The following SNX29 variants were observed in gnomAD, a reference collection of about 807,000 sequenced individuals.
SNX29 encodes the protein sorting nexin-29.
In SNX29, 78 loss-of-function variants were observed where a neutral mutation model predicts 102.1. The observed-to-expected ratio is 0.76, with a 90% CI of 0.64 to 0.92. SNX29 has a LOEUF of 0.92. SNX29 is among the 40% of genes least tolerant of loss of function. The probability of loss-of-function intolerance (pLI) is 0.00; values close to 1 mark genes in which losing one functional copy is unlikely to be tolerated. For missense variants in SNX29, 1,280 were observed against 1,061.7 expected (o/e 1.21, Z -2.86); for synonymous variants, 580 against 414.5 (o/e 1.40, Z -4.85).
At chr16:12,552,454 C>T (rs573039327) in intron 20 of SNX29, among the ~76,000 whole-genome samples, 14 of 152,304 alleles carry the variant, frequency 9.2e-5, no homozygotes, top group South Asian at 4.1e-4. Flanking sequence ...TGAAATACCT[C>T]GGGTCCATCT....
chr16:12,265,403 C>T (rs567950799), intron 14 of SNX29, among the ~76,000 whole-genome samples: 35 of 152,114 alleles, frequency 2.3e-4, no homozygotes, highest in African/African-American at 7.5e-4. Context: ...CAGCTGTCCC[C>T]GTGGATGCGT....
chr16:12,523,877 C>A (rs1330780154), intron 19 of SNX29, among the ~76,000 whole-genome samples: 1 of 151,872 alleles, frequency 6.6e-6, no homozygotes, highest in Non-Finnish European at 1.5e-5. Context: ...TGCTACCATG[C>A]ATCCTAGGTT....
At chr16:12,555,732 C>A (rs1182663408) in intron 20 of SNX29, among the ~76,000 whole-genome samples, 2 of 152,050 alleles carry the variant, frequency 1.3e-5, no homozygotes, top group African/African-American at 4.8e-5. Context: ...TTTCACTTTT[C>A]CTTCCACCTC....
chr16:12,371,478 A>T (rs112989450), intron 16 of SNX29, among the ~76,000 whole-genome samples: 4,682 of 152,100 alleles, frequency 0.031, 242 homozygotes, highest in African/African-American at 0.11. Flanking sequence ...TGTTATTTTT[A>T]AAATTTTTTT....
intron 15 of SNX29, among the ~76,000 whole-genome samples, 173 bp from the exon 16 acceptor site, chr16:12,355,990 T>G (rs757551318): frequency 2.6e-5 from 4 of 151,940 alleles, no homozygotes; most frequent in Admixed American, 6.6e-5. Context: ...CAAGACACAT[T>G]GAGCTTATGG....
chr16:12,053,599 A>G (rs1197471466), intron 8 of SNX29, among the ~76,000 whole-genome samples: 1 of 151,854 alleles, frequency 6.6e-6, no homozygotes, highest in Admixed American at 6.6e-5. Context: ...ATCTTATGGT[A>G]TTGTTTAGGC....
At chr16:12,305,854 G>A (rs557159945) in intron 15 of SNX29, among the ~76,000 whole-genome samples, 1 of 152,162 alleles carries the variant, frequency 6.6e-6, no homozygotes, top group Admixed American at 6.5e-5. Flanking sequence ...CATCAGGGTG[G>A]AGTACCGACG....
chr16:12,111,669 TGA>T (rs2053506701), intron 11 of SNX29, among the ~76,000 whole-genome samples: 1 of 152,154 alleles, frequency 6.6e-6, no homozygotes, highest in African/African-American at 2.4e-5. Flanking sequence ...CTTGTTTAGT[TGA>T]GTGTGATGGA....
chr16:12,426,080 T>C (rs1285690052), intron 18 of SNX29, among the ~76,000 whole-genome samples: 2 of 151,680 alleles, frequency 1.3e-5, no homozygotes, highest in African/African-American at 4.9e-5. Flanking sequence ...TTTTTAGTTA[T>C]CTTATTTTTT....
At chr16:12,003,150 GCGGC>G in intron 3 of SNX29, 107 bp downstream of exon 3, 1 of 1,397,822 alleles carries the variant, frequency 7.2e-7, no homozygotes, top group East Asian at 2.3e-5. Context: ...GCGGCAGAAG[GCGGC>G]TGGCTTCTGG....
At chr16:12,016,405 A>G (rs1009238243) in intron 3 of SNX29, among the ~76,000 whole-genome samples, 1 of 152,190 alleles carries the variant, frequency 6.6e-6, no homozygotes, top group Non-Finnish European at 1.5e-5. Context: ...TTCTACCAGT[A>G]GTTCATAAGT....
At chr16:12,155,399 CTCT>C (rs1455506562) in intron 13 of SNX29, among the ~76,000 whole-genome samples, 11 of 152,258 alleles carry the variant, frequency 7.2e-5, no homozygotes, top group East Asian at 3.9e-4. Flanking sequence ...CAGAATGTTT[CTCT>C]TCTTGAGAGC....
rs74008707 is a variant in SNX29 at position 12,184,699 on chromosome 16, A to C, written c.1596-14902A>C. ...CTTGAGTTTTGAACTGGGAGCCTGG[A>C]GGCCAGAGAACAGACACTCCCTAGA... On this transcript the variant is annotated intron_variant, in intron 13 of 20. Transcript: ENST00000566228. 9.2e-5 allele frequency among the ~76,000 whole-genome samples: 14 copies of C among 152,278 alleles called. No individual in the cohort carries two copies. The East Asian group carries it at 2.7e-3, about 29-fold the overall frequency.
chr16:12,546,672 C>G (rs1341317507), intron 20 of SNX29: 2 of 152,120 alleles, frequency 1.3e-5, no homozygotes, highest in Non-Finnish European at 2.9e-5. Context: ...ATAAATCTTC[C>G]TTTTTGAATC....
intron 19 of SNX29, among the ~76,000 whole-genome samples, chr16:12,505,206 C>T (rs1019593740): frequency 1.3e-5 from 2 of 152,200 alleles, no homozygotes; most frequent in African/African-American, 2.4e-5. Flanking sequence ...AGGAGTGGAA[C>T]TGCCAGGTCA....
intron 3 of SNX29, among the ~76,000 whole-genome samples, chr16:12,012,275 G>A (rs1024469473): frequency 3.9e-5 from 6 of 152,020 alleles, no homozygotes; most frequent in African/African-American, 1.5e-4. Flanking sequence ...GAAAGTGCAG[G>A]GATGTGGGGC....
chr16:12,008,369 A>G (rs899896785), intron 3 of SNX29, among the ~76,000 whole-genome samples: 10 of 152,126 alleles, frequency 6.6e-5, no homozygotes, highest in Admixed American at 1.3e-4. Context: ...TCCTGGGTTC[A>G]AGCGATTCTC....
At chr16:12,073,303 G>T (rs2051385082) in intron 10 of SNX29, among the ~76,000 whole-genome samples, 1 of 151,780 alleles carries the variant, frequency 6.6e-6, no homozygotes, top group Non-Finnish European at 1.5e-5. Context: ...TCTCTTGTGG[G>T]CATTTAGTGC....
At chr16:12,533,297 G>C (rs527964322) in intron 20 of SNX29, among the ~76,000 whole-genome samples, 44 of 152,362 alleles carry the variant, frequency 2.9e-4, no homozygotes, top group African/African-American at 1.1e-3. Flanking sequence ...TGGAAAGTCA[G>C]CCCTAGTCAC....
Sources: gnomAD v4.1 joint callset for allele counts (sites outside exome capture counted in the v4.1 genomes callset) on GRCh38, gnomAD v4.1.1 for gene constraint, MANE v1.5 for transcripts, NCBI Gene and HGNC (gene_info 2026-07-23, HGNC 2026-07-21) for gene names.